Variants in KIF20B observed in about 807,000 individuals in gnomAD.
KIF20B encodes the protein kinesin family member 20B.
KIF20B carries 188 observed loss-of-function variants against 232.5 expected under a neutral mutation model. The ratio of observed to expected loss-of-function variants is 0.81; its 90% CI spans 0.72 to 0.91. The LOEUF is 0.91. KIF20B is among the 40% of genes least tolerant of loss of function. The pLI, the probability that KIF20B is intolerant of heterozygous loss-of-function variation, is 0.00. For missense variants in KIF20B, 2,154 were observed against 2,055.9 expected (o/e 1.05, Z -0.92); for synonymous variants, 712 against 683.0 (o/e 1.04, Z -0.66).
intron 2 of KIF20B, among the ~76,000 whole-genome samples, chr10:89,708,085 G>A (rs1037018733): frequency 6.6e-6 from 1 of 151,972 alleles, no homozygotes; most frequent in African/African-American, 2.4e-5. Flanking sequence ...TCTTAATGTG[G>A]TATTTTGTTT....
At chr10:89,722,552 C>A (rs1352093748) in intron 13 of KIF20B, among the ~76,000 whole-genome samples, 1 of 152,032 alleles carries the variant, frequency 6.6e-6, no homozygotes, top group African/African-American at 2.4e-5. Context: ...GCCTGTAGTC[C>A]CAGCTACTCG....
rs1295978355 is a variant in KIF20B at position 89,735,170 on chromosome 10, G to A, written c.2545+2114G>A. The stretch of plus-strand genomic sequence containing the variant: ...AAATTAATGTAACTGGAATATGTCA[G>A]ATTCATGAATTTACATATATCTAGA... On this transcript the variant is annotated intron_variant, in intron 19 of 32. Transcript: ENST00000371728. 3.3e-5 allele frequency among the ~76,000 whole-genome samples: 5 copies of A among 152,116 alleles called. No individual in the cohort carries two copies. In the East Asian group the frequency reaches 9.6e-4, roughly 29 times the overall value.
chr10:89,770,892 G>C (rs1842448851), intron 31 of KIF20B, among the ~76,000 whole-genome samples: 1 of 151,940 alleles, frequency 6.6e-6, no homozygotes, highest in Non-Finnish European at 1.5e-5. Context: ...TTACTCCTCT[G>C]ATCCTTTAAT....
At chr10:89,709,658 ATT>A (rs1478986014) in intron 4 of KIF20B, among the ~76,000 whole-genome samples, 197 bp downstream of exon 4, 60 of 151,454 alleles carry the variant, frequency 4.0e-4, no homozygotes, top group South Asian at 1.7e-3. Context: ...TAAAGTTATT[ATT>A]ACTATATTTT....
chr10:89,732,545 A>G (rs902766889), intron 18 of KIF20B, among the ~76,000 whole-genome samples: 5 of 152,214 alleles, frequency 3.3e-5, no homozygotes, highest in African/African-American at 1.2e-4. Context: ...TATCGACTTA[A>G]AGCTAAGGGC....
In KIF20B at chr10:89,752,773, A is replaced by G. The variant is rs1000983796; in HGVS notation, c.4347+82A>G. Reference sequence around the variant, plus strand: ...ATAAGAGGAGAATTCAGTATTTTATATTTAGTAATTCACTTAGATATGGGT... The same window carrying G: ...ATAAGAGGAGAATTCAGTATTTTATGTTTAGTAATTCACTTAGATATGGGT... On this transcript the variant is annotated intron_variant, in intron 25 of 32. Coordinates refer to ENST00000371728, the MANE Select transcript of KIF20B (RefSeq NM_001284259.2). The G allele has an allele frequency of 3.2e-5, 33 of 1,043,816 alleles. No homozygotes were observed. In the African/African-American group the frequency reaches 5.4e-4, roughly 17 times the overall value. 64.7% of individuals were successfully genotyped at this position (1,043,816 alleles called of 1,614,324 possible).
In KIF20B at chr10:89,768,759, A is replaced by C. The variant is rs764195712; in HGVS notation, c.5113A>C (p.Lys1705Gln). 3 of 1,590,764 alleles carry C rather than the reference A, an allele frequency of 1.9e-6. No homozygotes were observed. The highest frequency in any genetic ancestry group is 1.7e-6 in the Non-Finnish European group (2 of 1,173,432). The part of the protein sequence containing the change: ...EQKVAIRPSS[K>Q]KTYSLRSQAS... Reference sequence around the variant, plus strand: ...TTAGGTTGCCATACGTCCATCATCTAAGAAAACATATTCTTTACGGAGTCA... The same window carrying C: ...TTAGGTTGCCATACGTCCATCATCTCAGAAAACATATTCTTTACGGAGTCA... Residue 1705 changes from lysine (K) to glutamine (Q), a missense_variant, in exon 31 of 33, where the codon AAG (lysine) becomes CAG (glutamine). Physicochemically the swap from Lys to Gln is moderately conservative, Grantham distance 53 (BLOSUM62 1). Transcript: ENST00000371728.
intron 18 of KIF20B, among the ~76,000 whole-genome samples, chr10:89,730,731 G>A (rs1843300634): frequency 6.6e-6 from 1 of 152,194 alleles, no homozygotes; most frequent in Admixed American, 6.5e-5. Flanking sequence ...GGTGAGAAAT[G>A]AGGCTAGGAG....
chr10:89,737,704 CAAG>C lies in KIF20B; in HGVS notation c.2866_2868del (p.Glu956del). ...ATTACATGTGCAGAAAAGTAAAAAT[CAAG>C]AACAGGAGGAAAAGATCATGAAATT... On this transcript the variant is annotated inframe_deletion, in exon 20 of 33. Coordinates refer to ENST00000371728, the MANE Select transcript of KIF20B (RefSeq NM_001284259.2). 1 of 1,612,856 alleles carries C rather than the reference CAAG, an allele frequency of 6.2e-7. No individual in the cohort carries two copies. Among genetic ancestry groups the C allele is most frequent in the Non-Finnish European group, 8.5e-7 (1 of 1,179,452 alleles).
chr10:89,726,306 A>G lies in KIF20B; in HGVS notation c.2015A>G (p.Tyr672Cys). 4 of 1,547,908 alleles carry G rather than the reference A, an allele frequency of 2.6e-6. No individual in the cohort carries two copies. The highest frequency in any genetic ancestry group is 1.7e-4 in the Middle Eastern group (1 of 5,830). The change falls in exon 16 of 33, where the codon TAT becomes TGT. Residue 672 changes from tyrosine to cysteine, a missense_variant. Coordinates refer to ENST00000371728, the MANE Select transcript of KIF20B (RefSeq NM_001284259.2). ...TKVETEETHN[Y>C]VGFEDIIDSL... is the part of the protein sequence containing the mutation. ...TGCTATTTTTAGGAAACACATAATT[A>G]TGTAGGATTTGAAGATATTATTGAT...
chr10:89,726,788 G>A (rs1300617016), intron 16 of KIF20B, among the ~76,000 whole-genome samples: 1 of 152,044 alleles, frequency 6.6e-6, no homozygotes, highest in Non-Finnish European at 1.5e-5. Flanking sequence ...AACTTTATGA[G>A]TAAAGCTGTA....
In KIF20B at chr10:89,718,794, G is replaced by A; in HGVS notation, c.1356G>A (p.Met452Ile). Residue 452 changes from methionine to isoleucine, a missense_variant, in exon 12 of 33, where the codon ATG (methionine) becomes ATA (isoleucine). Physicochemically the swap from Met to Ile is conservative, Grantham distance 10 (BLOSUM62 1). Coordinates refer to ENST00000371728, the MANE Select transcript of KIF20B (RefSeq NM_001284259.2). ...SFFNGKGKIC[M>I]IVNISQCYLA... is the part of the protein sequence containing the mutation. Reference sequence around the variant, plus strand: ...TTAATGGTAAAGGGAAAATTTGTATGATTGTCAATATCAGCCAATGTTATT... The same window carrying A: ...TTAATGGTAAAGGGAAAATTTGTATAATTGTCAATATCAGCCAATGTTATT... The A allele has an allele frequency of 6.2e-7, 1 of 1,609,932 alleles. No homozygotes were observed. Among genetic ancestry groups the A allele is most frequent in the Non-Finnish European group, 8.5e-7 (1 of 1,176,924 alleles).
chr10:89,746,058 G>A, intron 23 of KIF20B, 99 bp downstream of exon 23: 2 of 838,060 alleles, frequency 2.4e-6, no homozygotes, highest in Non-Finnish European at 2.0e-6. Context: ...GTGCCCTGCA[G>A]CTCAAACCCC....
chr10:89,720,900 G>T (rs571525754), intron 13 of KIF20B, among the ~76,000 whole-genome samples: 1 of 152,228 alleles, frequency 6.6e-6, no homozygotes, highest in South Asian at 2.1e-4. Flanking sequence ...AGTAGAGATG[G>T]GGTTTCACCA....
At chr10:89,773,107 TTTTTTC>T (rs1842499371) in intron 32 of KIF20B, among the ~76,000 whole-genome samples, 1 of 152,064 alleles carries the variant, frequency 6.6e-6, no homozygotes, top group African/African-American at 2.4e-5. Flanking sequence ...TCCACAATCT[TTTTTTC>T]TTTTTCTTTC....
Position 89,754,629 on chromosome 10 carries a change from T to C in KIF20B, c.4459T>C (p.Tyr1487His). The C allele has an allele frequency of 6.2e-7, 1 of 1,600,814 alleles. No individual in the cohort carries two copies. Among genetic ancestry groups the C allele is most frequent in the Non-Finnish European group, 8.5e-7 (1 of 1,174,194 alleles). Residue 1487 changes from tyrosine (Y) to histidine (H), a missense_variant, in exon 26 of 33, where the codon TAT becomes CAT. By Grantham distance (83) the Tyr-to-His change is moderately conservative. Transcript: ENST00000371728. Reference sequence around the variant, plus strand: ...TATACGAAATAAAGAGATGAAAAAATATGCTGAGGACAGGGAGCGTTTTTT... The same window carrying C: ...TATACGAAATAAAGAGATGAAAAAACATGCTGAGGACAGGGAGCGTTTTTT... ...ENIRNKEMKKYAEDRERFFKQ... is the reference protein window; with the variant it reads ...ENIRNKEMKKHAEDRERFFKQ...
At chr10:89,725,363 T>G (rs541424716) in intron 15 of KIF20B, among the ~76,000 whole-genome samples, 53 of 143,176 alleles carry the variant, frequency 3.7e-4, no homozygotes, top group African/African-American at 1.3e-3. Flanking sequence ...AATTTATACC[T>G]CTGTTATATA....
chr10:89,728,067 GTCT>G (rs1261729211), intron 17 of KIF20B, among the ~76,000 whole-genome samples, 171 bp downstream of exon 17: 1 of 152,038 alleles, frequency 6.6e-6, no homozygotes, highest in Non-Finnish European at 1.5e-5. Flanking sequence ...TTTGGCTTGA[GTCT>G]TCTTATTTCA....
rs774540147 is a variant in KIF20B, at chr10:89,754,577, T to C, written c.4407T>C (p.Leu1469=). The C allele has an allele frequency of 1.1e-5, 18 of 1,606,286 alleles. No homozygotes were observed. The highest frequency in any genetic ancestry group is 1.5e-5 in the Non-Finnish European group (18 of 1,175,840). The change falls in exon 26 of 33, where the codon CTT becomes CTC. Residue 1469 remains leucine (L), a synonymous_variant. Transcript: ENST00000371728. ...RKKWLEEKMM[L]ITQAKEAENI... The stretch of plus-strand genomic sequence containing the variant: ...AATGGTTAGAAGAAAAAATGATGCT[T>C]ATCACTCAAGCGAAAGAAGCAGAGA...
Sources: allele counts gnomAD v4.1 joint callset (sites outside exome capture counted in the v4.1 genomes callset), GRCh38; gene constraint gnomAD v4.1.1; transcripts MANE v1.5; gene names NCBI Gene and HGNC (gene_info 2026-07-23, HGNC 2026-07-21).